RCHY1: variants seen among roughly 807,000 people sequenced by gnomAD.
RCHY1 encodes RING finger and CHY zinc finger domain-containing protein 1.
Under a neutral mutation model 41.6 loss-of-function variants are expected in RCHY1, and 21 were observed. That is an observed-to-expected ratio of 0.51 (90% CI 0.36 to 0.73). The LOEUF (loss-of-function observed/expected upper bound fraction) is 0.73, where lower values mean the gene tolerates loss of function less well. RCHY1 is among the 30% of genes least tolerant of loss of function. The pLI, the probability that RCHY1 is intolerant of heterozygous loss-of-function variation, is 0.00. For missense variants in RCHY1, 265 were observed against 325.3 expected, an observed-to-expected ratio of 0.81 and a Z score of 1.43; for synonymous variants, 79 against 102.9, an observed-to-expected ratio of 0.77 and a Z score of 1.41.
At chr4:75,483,919 G>A (rs1163282744) in intron 8 of RCHY1, among the ~76,000 whole-genome samples, 1 of 152,088 alleles carries the variant, frequency 6.6e-6, no homozygotes, top group Non-Finnish European at 1.5e-5. Context: ...TGGCTGAGAA[G>A]AGACAGCAAC....
chr4:75,483,271 T>A (rs1298168656), intron 8 of RCHY1, among the ~76,000 whole-genome samples: 1 of 152,214 alleles, frequency 6.6e-6, no homozygotes, highest in African/African-American at 2.4e-5. Context: ...ACAAAGGTGT[T>A]AACCTGAAAA....
At position 75,491,725 on chromosome 4, in the gene RCHY1, T is replaced by C; in HGVS notation, c.508A>G (p.Arg170Gly). The stretch of plus-strand genomic sequence containing the variant: ...ATTGAGAAAAAGATGTTACTTTACC[T>C]ATGTAAAAGATGTCCACATGGCAAG... Reference protein sequence around the residue: ...HVLPCGHLLHRTCYEEMLKEG... With the variant: ...HVLPCGHLLHGTCYEEMLKEG... The change falls in exon 6 of 9, where the codon AGA becomes GGA. Residue 170 changes from arginine (R) to glycine (G), a missense_variant and splice_region_variant. Transcript: ENST00000324439. 6.2e-7 allele frequency: 1 copy of C among 1,612,012 alleles called. No homozygotes were observed. Among genetic ancestry groups the C allele is most frequent in the Non-Finnish European group, 8.5e-7 (1 of 1,178,612 alleles).
Position 75,491,943 on chromosome 4 carries a change from A to G in RCHY1, c.406-10T>C. 6.3e-7 allele frequency: 1 copy of G among 1,579,590 alleles called. No homozygotes were observed. Among genetic ancestry groups the G allele is most frequent in the Non-Finnish European group, 8.6e-7 (1 of 1,166,846 alleles). ...ACACATTTTCAATACACTGTTTAAA[A>G]GAGAAATTCACATTAACAAAAGCTT... is the stretch of plus-strand genomic sequence containing the variant. On this transcript the variant is annotated splice_polypyrimidine_tract_variant and intron_variant, in intron 4 of 8. Coordinates refer to ENST00000324439, the MANE Select transcript of RCHY1 (RefSeq NM_015436.4).
At chr4:75,502,939 A>G (rs1471627150) in intron 3 of RCHY1, among the ~76,000 whole-genome samples, 1 of 152,096 alleles carries the variant, frequency 6.6e-6, no homozygotes. Flanking sequence ...TTCCTTGAAC[A>G]CAGTTGAGAA....
rs1369039468 is a variant in RCHY1, at chr4:75,479,784, C to T, written c.*2754G>A. The T allele has an allele frequency of 6.6e-6, 1 of 151,362 alleles. No homozygotes were observed. Among genetic ancestry groups the T allele is most frequent in the Non-Finnish European group, 1.5e-5 (1 of 67,866 alleles). The allele number at this position is 151,362 out of a possible 1,614,324, so 9.4% of individuals were successfully genotyped here. ...CAAATTCTGCGGCAGGGCAACCTAA[C>T]TTATTTCAGGGACAGATAATTCTAG... On this transcript the variant is annotated 3_prime_UTR_variant, in exon 9 of 9. Transcript: ENST00000324439.
chr4:75,503,422 C>T (rs995272142), intron 3 of RCHY1, among the ~76,000 whole-genome samples: 5 of 152,148 alleles, frequency 3.3e-5, no homozygotes, highest in African/African-American at 1.2e-4. Flanking sequence ...GGTGGCCAGG[C>T]ACAGTGGCTC....
chr4:75,484,159 A>C (rs1421238346), intron 8 of RCHY1, among the ~76,000 whole-genome samples: 1 of 152,178 alleles, frequency 6.6e-6, no homozygotes, highest in African/African-American at 2.4e-5. Context: ...CAGAAGTGGG[A>C]TTTGAAGTAC....
intron 8 of RCHY1, among the ~76,000 whole-genome samples, chr4:75,482,928 T>C (rs1721640807): frequency 6.6e-6 from 1 of 152,004 alleles, no homozygotes; most frequent in African/African-American, 2.4e-5. Flanking sequence ...TATTAAATAG[T>C]ATAAATAGTA....
intron 4 of RCHY1, among the ~76,000 whole-genome samples, chr4:75,493,023 G>A (rs553877869): frequency 2.6e-5 from 4 of 152,082 alleles, no homozygotes; most frequent in African/African-American, 7.2e-5. Flanking sequence ...GCTGAGGTGA[G>A]GATGCAATGA....
chr4:75,491,404 G>T (rs2148727463), intron 7 of RCHY1: 2 of 427,490 alleles, frequency 4.7e-6, no homozygotes, highest in East Asian at 7.2e-5. Context: ...GAGGAGACAA[G>T]ATTTAAGAGA....
intron 8 of RCHY1, 30 bp downstream of exon 8, chr4:75,490,551 T>A (rs1358080713): frequency 6.3e-7 from 1 of 1,587,776 alleles, no homozygotes; most frequent in African/African-American, 1.4e-5. Context: ...ACAAGGAGTC[T>A]ACAAAGTTTT....
rs776307800 is a variant in RCHY1 at position 75,490,553 on chromosome 4, C to G, written c.657+28G>C. 8.8e-6 allele frequency: 14 copies of G among 1,586,044 alleles called. No homozygotes were observed. The African/African-American group carries it at 1.9e-4, about 22-fold the overall frequency. On this transcript the variant is annotated intron_variant, in intron 8 of 8. Transcript: ENST00000324439. ...AATAAGAGTGCCAACAAGGAGTCTA[C>G]AAAGTTTTAAGTATTGATTCTACTC...
intron 8 of RCHY1, among the ~76,000 whole-genome samples, chr4:75,482,882 A>G (rs1043976008): frequency 1.5e-5 from 2 of 136,168 alleles, no homozygotes; most frequent in Non-Finnish European, 3.2e-5. Flanking sequence ...GGCAGATTTG[A>G]GCAAAAAAAA....
At chr4:75,486,452 A>G (rs533344165) in intron 8 of RCHY1, among the ~76,000 whole-genome samples, 1 of 152,008 alleles carries the variant, frequency 6.6e-6, no homozygotes, top group East Asian at 1.9e-4. Context: ...AAAACTAAAT[A>G]TATTTAGATA....
At chr4:75,499,894 T>C (rs28509772) in intron 3 of RCHY1, among the ~76,000 whole-genome samples, 25,987 of 152,232 alleles carry the variant, frequency 0.17, 2,318 homozygotes, top group East Asian at 0.26. Context: ...ATTAATTGAT[T>C]ATACATTTCA....
intron 3 of RCHY1, among the ~76,000 whole-genome samples, chr4:75,499,625 T>C (rs926535169): frequency 1.3e-5 from 2 of 152,052 alleles, no homozygotes; most frequent in African/African-American, 4.8e-5. Flanking sequence ...TACAGCAACA[T>C]GGATAGGATG....
chr4:75,484,163 G>C (rs1357596608), intron 8 of RCHY1, among the ~76,000 whole-genome samples: 2 of 152,160 alleles, frequency 1.3e-5, no homozygotes, highest in Non-Finnish European at 2.9e-5. Context: ...AGTGGGATTT[G>C]AAGTACAGCT....
intron 8 of RCHY1, among the ~76,000 whole-genome samples, chr4:75,487,381 T>C (rs1275586041): frequency 6.7e-6 from 1 of 149,000 alleles, no homozygotes. Flanking sequence ...TTTCGAAGAG[T>C]AAAGGTTTTT....
chr4:75,488,869 G>A (rs1415108743), intron 8 of RCHY1, among the ~76,000 whole-genome samples: 1 of 152,140 alleles, frequency 6.6e-6, no homozygotes, highest in African/African-American at 2.4e-5. Flanking sequence ...GAGGTCAGGA[G>A]TTCAAGACCA....
Sources: gnomAD v4.1 joint callset for allele counts (sites outside exome capture counted in the v4.1 genomes callset) on GRCh38, gnomAD v4.1.1 for gene constraint, MANE v1.5 for transcripts, NCBI Gene and HGNC (gene_info 2026-07-23, HGNC 2026-07-21) for gene names.